The following NRXN1 variants were observed in gnomAD, a reference collection of about 807,000 sequenced individuals.
NRXN1 encodes the protein neurexin 1.
Under a neutral mutation model 150.9 loss-of-function variants are expected in NRXN1, and 39 were observed. The observed-to-expected ratio is 0.26, with a 90% CI of 0.20 to 0.34. NRXN1 has a LOEUF of 0.34. Ranked by LOEUF, NRXN1 falls within the 10% of genes least tolerant of loss-of-function variation. The pLI is 1.00. For synonymous variants in NRXN1, 924 were observed against 757.0 expected (o/e 1.22, Z -3.62); for missense variants, 1,815 against 1,949.9 (o/e 0.93, Z 1.30).
At chr2:50,340,896 G>C (rs765186346) in intron 17 of NRXN1, among the ~76,000 whole-genome samples, 5 of 152,156 alleles carry the variant, frequency 3.3e-5, no homozygotes, top group Non-Finnish European at 5.9e-5. Flanking sequence ...TGTGGTGATG[G>C]TCAACAGTAA....
intron 5 of NRXN1, among the ~76,000 whole-genome samples, chr2:50,870,052 T>C (rs1343406305): frequency 6.6e-6 from 1 of 151,890 alleles, no homozygotes; most frequent in African/African-American, 2.4e-5. Context: ...AATAATAATA[T>C]TGTAATTGGA....
At position 50,698,777 on chromosome 2, in the gene NRXN1, C is replaced by T. The variant is rs917782732; in HGVS notation, c.833-75162G>A. ...ACTTTCTTCTCCAGTTAAAATTGCC[C>T]TCAAAGAAGGTTTTCTCTTTCCTGA... On this transcript the variant is annotated intron_variant, in intron 5 of 22. Transcript: ENST00000401669. Among the ~76,000 whole-genome samples the T allele has an allele frequency of 3.3e-5, 5 of 152,136 alleles. 1 individual carries two copies. The highest frequency in any genetic ancestry group is 7.4e-5 in the Non-Finnish European group (5 of 68,020).
chr2:50,270,434 T>C (rs1271037128), intron 17 of NRXN1, among the ~76,000 whole-genome samples: 7 of 152,150 alleles, frequency 4.6e-5, no homozygotes, highest in Admixed American at 4.6e-4. Context: ...ACTATTTGTA[T>C]TTGGAGTCCT....
intron 5 of NRXN1, among the ~76,000 whole-genome samples, chr2:50,633,781 G>C (rs1025553209): frequency 6.6e-6 from 1 of 152,018 alleles, no homozygotes; most frequent in Non-Finnish European, 1.5e-5. Flanking sequence ...AAGGCTCTCA[G>C]GGTCTCCACT....
intron 18 of NRXN1, among the ~76,000 whole-genome samples, chr2:50,214,901 C>G: frequency 6.6e-6 from 1 of 151,938 alleles, no homozygotes; most frequent in East Asian, 1.9e-4. Context: ...ATTATCTCGA[C>G]TTTATAAACT....
intron 5 of NRXN1, among the ~76,000 whole-genome samples, chr2:50,653,800 G>C (rs1257151957): frequency 1.3e-5 from 2 of 151,936 alleles, no homozygotes; most frequent in Non-Finnish European, 2.9e-5. Context: ...CTTACGGACA[G>C]TGTAGGATTC....
chr2:50,105,337 C>G (rs779817627), intron 18 of NRXN1: 1 of 151,982 alleles, frequency 6.6e-6, no homozygotes, highest in Non-Finnish European at 1.5e-5. Flanking sequence ...TGTCATACTT[C>G]AAGAGCCAGA....
chr2:50,917,493 T>G (rs1157665936), intron 5 of NRXN1: 1 of 151,704 alleles, frequency 6.6e-6, no homozygotes, highest in East Asian at 1.9e-4. Flanking sequence ...AACTGTGTGA[T>G]CTGAATGTTG....
intron 19 of NRXN1, among the ~76,000 whole-genome samples, chr2:50,060,019 G>C (rs140298819): frequency 0.012 from 1,799 of 152,264 alleles, 19 homozygotes; most frequent in Non-Finnish European, 0.019. Context: ...CTACCTAGTG[G>C]AGCTGTGAGA....
At chr2:50,240,373 A>G (rs751169428) in intron 17 of NRXN1, among the ~76,000 whole-genome samples, 2 of 151,812 alleles carry the variant, frequency 1.3e-5, no homozygotes, top group African/African-American at 4.8e-5. Flanking sequence ...AGACAATTAG[A>G]TATCCAGTCC....
intron 5 of NRXN1, among the ~76,000 whole-genome samples, chr2:50,729,458 T>C (rs1398909406): frequency 6.6e-6 from 1 of 152,204 alleles, no homozygotes; most frequent in African/African-American, 2.4e-5. Flanking sequence ...AGAGCTAGGA[T>C]GTGAACCCAG....
chr2:51,022,827 T>A (rs1350589961), intron 2 of NRXN1, among the ~76,000 whole-genome samples: 2 of 152,196 alleles, frequency 1.3e-5, no homozygotes, highest in East Asian at 1.9e-4. Flanking sequence ...AAATATATTT[T>A]GTCACTAGAA....
intron 18 of NRXN1, among the ~76,000 whole-genome samples, chr2:50,188,651 T>A (rs992987741): frequency 5.3e-5 from 8 of 151,720 alleles, no homozygotes; most frequent in African/African-American, 1.9e-4. Flanking sequence ...ATCCAGAATC[T>A]ACAAGGAACT....
chr2:50,402,877 T>C (rs1424702054), intron 17 of NRXN1, among the ~76,000 whole-genome samples: 2 of 152,116 alleles, frequency 1.3e-5, no homozygotes, highest in Admixed American at 6.6e-5. Context: ...ATAGATTTAC[T>C]GCAGAGAGCT....
intron 2 of NRXN1, among the ~76,000 whole-genome samples, chr2:51,025,248 T>C (rs1263520545): frequency 1.3e-5 from 2 of 152,186 alleles, no homozygotes; most frequent in African/African-American, 2.4e-5. Context: ...ATGGATTTGC[T>C]ATTCTGAGTT....
At chr2:50,818,698 A>G (rs1329223325) in intron 5 of NRXN1, among the ~76,000 whole-genome samples, 1 of 152,072 alleles carries the variant, frequency 6.6e-6, no homozygotes, top group Non-Finnish European at 1.5e-5. Context: ...ACTAAAAAGC[A>G]TATGTGCAGT....
At chr2:50,313,406 A>G (rs1375067655) in intron 17 of NRXN1, among the ~76,000 whole-genome samples, 1 of 152,056 alleles carries the variant, frequency 6.6e-6, no homozygotes, top group Non-Finnish European at 1.5e-5. Flanking sequence ...GAGTATTTTG[A>G]CAATCAGGAA....
At chr2:50,854,933 G>A (rs539077938) in intron 5 of NRXN1, among the ~76,000 whole-genome samples, 23 of 152,064 alleles carry the variant, frequency 1.5e-4, no homozygotes, top group African/African-American at 4.1e-4. Context: ...CAACAGAAAC[G>A]GATTTAAAAG....
intron 9 of NRXN1, among the ~76,000 whole-genome samples, chr2:50,545,136 T>C (rs1468791220): frequency 1.3e-5 from 2 of 152,134 alleles, no homozygotes; most frequent in Admixed American, 6.6e-5. Context: ...AGGGAATGTA[T>C]GGTAAGGGGA....
Sources: gnomAD v4.1 joint callset for allele counts (sites outside exome capture counted in the v4.1 genomes callset) on GRCh38, gnomAD v4.1.1 for gene constraint, MANE v1.5 for transcripts, NCBI Gene and HGNC (gene_info 2026-07-23, HGNC 2026-07-21) for gene names.